The following SENP1 variants were observed in gnomAD, a reference collection of about 807,000 sequenced individuals.
SENP1 encodes the protein sentrin-specific protease 1.
Under a neutral mutation model 93.0 loss-of-function variants are expected in SENP1, and 21 were observed. The observed-to-expected ratio is 0.23, with a 90% CI of 0.16 to 0.33. The LOEUF is 0.33. Among genes scored for constraint, SENP1 ranks in the 10% least tolerant of loss-of-function variants. The pLI is 1.00. For synonymous variants in SENP1, 256 were observed against 259.6 expected (o/e 0.99, Z 0.13); for missense variants, 591 against 758.7 (o/e 0.78, Z 2.60).
chr12:48,067,780 C>A (rs1037741343), intron 9 of SENP1, among the ~76,000 whole-genome samples: 6 of 151,936 alleles, frequency 3.9e-5, no homozygotes, highest in Non-Finnish European at 8.8e-5. Flanking sequence ...CAAGACCAGC[C>A]TGGGCAACAT....
intron 1 of SENP1, among the ~76,000 whole-genome samples, chr12:48,104,941 TG>T (rs1212949503): frequency 6.6e-6 from 1 of 152,204 alleles, no homozygotes; most frequent in Non-Finnish European, 1.5e-5. Flanking sequence ...GAGTGTAAAC[TG>T]GAAGTAGGTT....
At chr12:48,048,801 T>A in intron 14 of SENP1, 128 bp downstream of exon 14, 1 of 662,860 alleles carries the variant, frequency 1.5e-6, no homozygotes, top group Non-Finnish European at 2.6e-6. Context: ...CTGATTTTAG[T>A]CAACCTACTA....
In SENP1 at chr12:48,089,513, T is replaced by G. The variant is rs145891814; in HGVS notation, c.221-553A>C. Among the ~76,000 whole-genome samples the G allele has an allele frequency of 2.8e-3, 432 of 152,374 alleles. 1 individual carries two copies. The highest frequency in any genetic ancestry group is 8.8e-3 in the African/African-American group (367 of 41,594). On this transcript the variant is annotated intron_variant, in intron 4 of 17. Coordinates refer to ENST00000549518, the MANE Select transcript of SENP1 (RefSeq NM_001267594.2). ...CAAGGAATGACCCATCATATATATC[T>G]GGTTCTGGTATAATAATCTTCAGTC...
intron 6 of SENP1, among the ~76,000 whole-genome samples, chr12:48,079,757 C>T (rs897942988): frequency 2.0e-5 from 3 of 150,984 alleles, no homozygotes; most frequent in Non-Finnish European, 4.4e-5. Context: ...ATAGAGAGCA[C>T]AAAATAATTT....
rs1051472952 is a variant in SENP1 at position 48,064,318 on chromosome 12, C to T, written c.1276-477G>A. Among the ~76,000 whole-genome samples, 5 of 152,146 alleles carry T rather than the reference C, an allele frequency of 3.3e-5. 1 individual carries two copies. The East Asian group carries it at 9.7e-4, about 29-fold the overall frequency. On this transcript the variant is annotated intron_variant, in intron 12 of 17. Coordinates refer to ENST00000549518, the MANE Select transcript of SENP1 (RefSeq NM_001267594.2). ...GTACAACTATAATAAGTGTGTTATG[C>T]TCACCAGCTACATGGTAGTGTTTCA... is the stretch of plus-strand genomic sequence containing the variant.
intron 5 of SENP1, 96 bp downstream of exon 5, chr12:48,088,705 C>T: frequency 1.7e-6 from 2 of 1,188,076 alleles, no homozygotes; most frequent in Non-Finnish European, 2.4e-6. Context: ...AATGGTGTTA[C>T]TCTTTTAAAA....
intron 12 of SENP1, among the ~76,000 whole-genome samples, chr12:48,064,321 A>G (rs1943146772): frequency 1.3e-5 from 2 of 152,218 alleles, no homozygotes; most frequent in Admixed American, 1.3e-4. Flanking sequence ...TGTTATGCTC[A>G]CCAGCTACAT....
At chr12:48,078,213 T>C (rs916904346) in intron 6 of SENP1, among the ~76,000 whole-genome samples, 8 of 150,802 alleles carry the variant, frequency 5.3e-5, no homozygotes, top group Non-Finnish European at 1.0e-4. Flanking sequence ...GCATAGTTCA[T>C]TGTTAACAGT....
intron 14 of SENP1, 49 bp from the exon 15 acceptor site, chr12:48,048,129 G>T: frequency 7.7e-7 from 1 of 1,295,232 alleles, no homozygotes; most frequent in African/African-American, 1.5e-5. Flanking sequence ...AAGAAAATCG[G>T]TTTATCAGTT....
intron 6 of SENP1, chr12:48,081,570 G>GTTTTTTTTTTTTTT (rs397962697): frequency 8.4e-6 from 1 of 119,336 alleles, no homozygotes. Flanking sequence ...GTGTTTTTTC[G>GTTTTTTTTTTTTTT]TTTTTTTTTT....
chr12:48,100,906 T>C (rs1315488754), intron 2 of SENP1, among the ~76,000 whole-genome samples: 12 of 152,222 alleles, frequency 7.9e-5, no homozygotes, highest in Admixed American at 6.5e-5. Context: ...ACACAGTAAA[T>C]GTTTGCTAGG....
intron 13 of SENP1, among the ~76,000 whole-genome samples, chr12:48,058,571 C>T (rs531341109): frequency 3.9e-5 from 6 of 152,240 alleles, no homozygotes; most frequent in African/African-American, 1.4e-4. Context: ...TAACATTTTA[C>T]CACTTTATGT....
At chr12:48,099,698 G>C (rs1945793040) in intron 2 of SENP1, among the ~76,000 whole-genome samples, 1 of 152,054 alleles carries the variant, frequency 6.6e-6, no homozygotes, top group Non-Finnish European at 1.5e-5. Context: ...TGTAATCCTA[G>C]CTACTTGGAG....
chr12:48,064,512 T>C (rs981927032), intron 12 of SENP1, among the ~76,000 whole-genome samples: 13 of 152,216 alleles, frequency 8.5e-5, no homozygotes, highest in African/African-American at 2.9e-4. Flanking sequence ...GCACATGACA[T>C]GAAAGACAAA....
At chr12:48,068,097 C>T (rs1592357936) in intron 9 of SENP1, among the ~76,000 whole-genome samples, 1 of 152,114 alleles carries the variant, frequency 6.6e-6, no homozygotes, top group East Asian at 1.9e-4. Flanking sequence ...TGGTCTCGAA[C>T]TCATGACCTC....
intron 4 of SENP1, among the ~76,000 whole-genome samples, chr12:48,090,682 G>A (rs953800916): frequency 2.6e-5 from 4 of 152,064 alleles, no homozygotes; most frequent in Admixed American, 6.6e-5. Context: ...CTGCAGCCTC[G>A]AACTCCTAAG....
intron 1 of SENP1, 49 bp from the exon 2 acceptor site, chr12:48,101,565 T>G (rs1266347001): frequency 2.1e-6 from 2 of 966,996 alleles, no homozygotes; most frequent in Non-Finnish European, 3.2e-6. Context: ...AAACACCTAC[T>G]TCACTTAATT....
At chr12:48,057,635 C>CAG (rs59942267) in intron 13 of SENP1, among the ~76,000 whole-genome samples, 105,182 of 148,348 alleles carry the variant, frequency 0.71, 38,223 homozygotes, top group East Asian at 0.99. Context: ...TTAATTGAAA[C>CAG]AGTCTTGCTC....
intron 5 of SENP1, 120 bp downstream of exon 5, chr12:48,088,681 G>A (rs1439809710): frequency 6.4e-6 from 6 of 938,430 alleles, no homozygotes; most frequent in South Asian, 1.6e-5. Context: ...TATCCTTAAG[G>A]TTTAAAGTCC....
Sources: allele counts gnomAD v4.1 joint callset (sites outside exome capture counted in the v4.1 genomes callset), GRCh38; gene constraint gnomAD v4.1.1; transcripts MANE v1.5; gene names NCBI Gene and HGNC (gene_info 2026-07-23, HGNC 2026-07-21).